The following OSBPL1A variants were observed in gnomAD, a reference collection of about 807,000 sequenced individuals.
OSBPL1A encodes the protein oxysterol binding protein like 1A, also known as oxysterol-binding protein-related protein 1.
In OSBPL1A, 80 loss-of-function variants were observed where a neutral mutation model predicts 137.1. The ratio of observed to expected loss-of-function variants is 0.58; its 90% CI spans 0.49 to 0.70. OSBPL1A has a LOEUF of 0.70. Among genes scored for constraint, OSBPL1A ranks in the 30% least tolerant of loss-of-function variants. The pLI is 0.00. For synonymous variants in OSBPL1A, 365 were observed against 389.7 expected (o/e 0.94, Z 0.75); for missense variants, 970 against 1,129.4 (o/e 0.86, Z 2.02).
At chr18:24,172,741 A>G (rs1430992178) in intron 21 of OSBPL1A, among the ~76,000 whole-genome samples, 1 of 152,222 alleles carries the variant, frequency 6.6e-6, no homozygotes, top group Non-Finnish European at 1.5e-5. Context: ...CTACGTACAT[A>G]ATCATTTTAA....
intron 16 of OSBPL1A, 41 bp downstream of exon 16, chr18:24,239,179 C>G: frequency 1.2e-6 from 2 of 1,601,948 alleles, no homozygotes; most frequent in South Asian, 1.1e-5. Context: ...GTGGTGGACT[C>G]TAAATCACCA....
At chr18:24,352,930 G>T (rs1185876962) in intron 4 of OSBPL1A, among the ~76,000 whole-genome samples, 3 of 152,138 alleles carry the variant, frequency 2.0e-5, no homozygotes, top group African/African-American at 7.2e-5. Flanking sequence ...ATGGATTAAA[G>T]ACTTACATGT....
At chr18:24,235,185 C>T (rs940559780) in intron 16 of OSBPL1A, among the ~76,000 whole-genome samples, 1 of 152,140 alleles carries the variant, frequency 6.6e-6, no homozygotes, top group Non-Finnish European at 1.5e-5. Context: ...ACGGGATGAA[C>T]GTCAGCAGGC....
At chr18:24,302,001 G>A (rs188890500) in intron 14 of OSBPL1A, among the ~76,000 whole-genome samples, 1 of 152,162 alleles carries the variant, frequency 6.6e-6, no homozygotes, top group Middle Eastern at 3.4e-3. Flanking sequence ...GGCCAACGCG[G>A]GTGGATCACA....
At chr18:24,356,651 G>A (rs1468748071) in intron 4 of OSBPL1A, among the ~76,000 whole-genome samples, 1 of 152,120 alleles carries the variant, frequency 6.6e-6, no homozygotes, top group Non-Finnish European at 1.5e-5. Context: ...TTGCCATCTT[G>A]GTCTATTGTA....
rs1470652727 is a variant in OSBPL1A, at chr18:24,323,481, C to T, written c.626-4672G>A. Among the ~76,000 whole-genome samples, 2 of 52,370 alleles carry T rather than the reference C, an allele frequency of 3.8e-5. 1 individual carries two copies. The highest frequency in any genetic ancestry group is 2.8e-4 in the African/African-American group (2 of 7,174). 34.4% of individuals were successfully genotyped at this position (52,370 alleles called of 152,430 possible). ...CCTCGTGATCCACCCACCTCAGCCT[C>T]CCAAAGTGCTGGGAATACAGGCGTG... On this transcript the variant is annotated intron_variant, in intron 7 of 27. Transcript: ENST00000319481.
intron 14 of OSBPL1A, among the ~76,000 whole-genome samples, chr18:24,285,849 A>T (rs1243807131): frequency 6.6e-6 from 1 of 152,200 alleles, no homozygotes; most frequent in Non-Finnish European, 1.5e-5. Context: ...TAAATGATTG[A>T]AGTCCATTTT....
intron 18 of OSBPL1A, among the ~76,000 whole-genome samples, chr18:24,188,333 C>T (rs886232071): frequency 2.6e-5 from 4 of 152,184 alleles, no homozygotes; most frequent in African/African-American, 9.7e-5. Flanking sequence ...TCCACAGCCA[C>T]GGGCTCCTCA....
At chr18:24,339,900 ATGAG>A (rs2091244844) in intron 5 of OSBPL1A, among the ~76,000 whole-genome samples, 1 of 152,220 alleles carries the variant, frequency 6.6e-6, no homozygotes, top group African/African-American at 2.4e-5. Flanking sequence ...AAACTATAGA[ATGAG>A]TGAGAAGATT....
chr18:24,306,672 G>A (rs1377577539), intron 13 of OSBPL1A, among the ~76,000 whole-genome samples: 3 of 152,220 alleles, frequency 2.0e-5, no homozygotes, highest in African/African-American at 7.2e-5. Flanking sequence ...TATCTGGGAA[G>A]AGCAGCAAGG....
chr18:24,193,582 T>G (rs945504002), intron 18 of OSBPL1A, among the ~76,000 whole-genome samples: 2 of 152,170 alleles, frequency 1.3e-5, no homozygotes, highest in Non-Finnish European at 2.9e-5. Context: ...ACCTTGATTG[T>G]GTCTGCTGCC....
chr18:24,174,899 A>G (rs1458265365), intron 21 of OSBPL1A, among the ~76,000 whole-genome samples: 2 of 151,194 alleles, frequency 1.3e-5, no homozygotes, highest in Non-Finnish European at 2.9e-5. Flanking sequence ...TAGCTTCCCT[A>G]GTAGCTATGA....
intron 17 of OSBPL1A, among the ~76,000 whole-genome samples, chr18:24,199,456 A>G (rs2087146384): frequency 6.6e-6 from 1 of 151,758 alleles, no homozygotes; most frequent in Non-Finnish European, 1.5e-5. Context: ...TTGACGTGAC[A>G]TAAGGTACAC....
chr18:24,382,969 A>G (rs900709643), intron 1 of OSBPL1A, among the ~76,000 whole-genome samples: 4 of 152,234 alleles, frequency 2.6e-5, no homozygotes, highest in Non-Finnish European at 5.9e-5. Flanking sequence ...TGGTACTTAT[A>G]TAGATTAAGC....
At chr18:24,210,736 A>G (rs999908910) in intron 17 of OSBPL1A, among the ~76,000 whole-genome samples, 25 of 151,832 alleles carry the variant, frequency 1.6e-4, no homozygotes, top group African/African-American at 6.0e-4. Flanking sequence ...GGGTCTCCCT[A>G]TGTTACCCAG....
At chr18:24,199,069 G>A (rs1184481648) in intron 17 of OSBPL1A, among the ~76,000 whole-genome samples, 1 of 151,946 alleles carries the variant, frequency 6.6e-6, no homozygotes, top group African/African-American at 2.4e-5. Context: ...ATGTTGGCCA[G>A]GCTGGTCTCG....
At chr18:24,197,660 T>A (rs1410450096) in intron 17 of OSBPL1A, among the ~76,000 whole-genome samples, 5 of 152,238 alleles carry the variant, frequency 3.3e-5, no homozygotes, top group African/African-American at 1.2e-4. Context: ...AGACTATCAA[T>A]CTCTGTGACA....
intron 1 of OSBPL1A, among the ~76,000 whole-genome samples, chr18:24,396,483 A>G (rs566276567): frequency 1.3e-5 from 2 of 152,306 alleles, no homozygotes; most frequent in African/African-American, 4.8e-5. Flanking sequence ...CCGTTGCTCA[A>G]TGCTGGAGAA....
At chr18:24,348,369 CATTTT>C (rs1190389277) in intron 4 of OSBPL1A, among the ~76,000 whole-genome samples, 16 of 152,150 alleles carry the variant, frequency 1.1e-4, no homozygotes, top group Admixed American at 5.2e-4. Context: ...TTATTAAACT[CATTTT>C]AATCTTCACA....
Sources: allele counts gnomAD v4.1 joint callset (sites outside exome capture counted in the v4.1 genomes callset), GRCh38; gene constraint gnomAD v4.1.1; transcripts MANE v1.5; gene names NCBI Gene and HGNC (gene_info 2026-07-23, HGNC 2026-07-21).